CFLAR: variants seen among roughly 807,000 people sequenced by gnomAD.
The protein encoded by CFLAR is CASP8 and FADD like apoptosis regulator, also known as CASP8 and FADD-like apoptosis regulator.
In CFLAR, 14 loss-of-function variants were observed where a neutral mutation model predicts 51.1. That is an observed-to-expected ratio of 0.27 (90% confidence interval 0.18 to 0.43). CFLAR has a LOEUF of 0.43. Among genes scored for constraint, CFLAR ranks in the 20% least tolerant of loss-of-function variants. CFLAR has a pLI of 1.00. For missense variants in CFLAR, 390 were observed against 566.5 expected (o/e 0.69, Z 3.16); for synonymous variants, 210 against 211.6 (o/e 0.99, Z 0.06).
chr2:201,155,408 G>A (rs920410398), intron 8 of CFLAR, among the ~76,000 whole-genome samples: 1 of 151,792 alleles, frequency 6.6e-6, no homozygotes, highest in Non-Finnish European at 1.5e-5. Context: ...GGGATTACAG[G>A]CACCCGCCAT....
intron 1 of CFLAR, among the ~76,000 whole-genome samples, chr2:201,121,707 A>T (rs921295906): frequency 1.2e-4 from 18 of 152,246 alleles, no homozygotes; most frequent in African/African-American, 3.1e-4. Flanking sequence ...CCCTTTAGTT[A>T]CAATGGAGAA....
chr2:201,133,434 T>TG (rs1351304306), intron 3 of CFLAR, among the ~76,000 whole-genome samples: 14 of 152,166 alleles, frequency 9.2e-5, no homozygotes, highest in South Asian at 4.1e-4. Flanking sequence ...GATGGGGTTG[T>TG]GGGGAAGACA....
At chr2:201,133,928 C>CAAAAAAAAAAAAAAAA (rs1267307823) in intron 3 of CFLAR, among the ~76,000 whole-genome samples, 1 of 49,836 alleles carries the variant, frequency 2.0e-5, no homozygotes, top group African/African-American at 7.5e-5. Context: ...GACTCCATCT[C>CAAAAAAAAAAAAAAAA]AAAAAAAAAA....
chr2:201,140,583 ACTT>A, intron 5 of CFLAR, 144 bp downstream of exon 5: 2 of 595,916 alleles, frequency 3.4e-6, no homozygotes, highest in Middle Eastern at 2.7e-4. Context: ...AAAACGTGTA[ACTT>A]CTTATATTTC....
chr2:201,171,369 A>G lies in CFLAR; in HGVS notation c.*7396A>G, dbSNP rs1943999409. ...TTTGCAGGGACATGGATGAAGCTGGAAGCCATTATCCTCAGCAAACTAACA... is the reference window on the plus strand; with the variant it reads ...TTTGCAGGGACATGGATGAAGCTGGGAGCCATTATCCTCAGCAAACTAACA... On this transcript the variant is annotated 3_prime_UTR_variant, in exon 10 of 10. Coordinates refer to ENST00000309955, the MANE Select transcript of CFLAR (RefSeq NM_003879.7). 1 of 152,162 alleles carries G rather than the reference A, an allele frequency of 6.6e-6. No homozygotes were observed. The highest frequency in any genetic ancestry group is 1.5e-5 in the Non-Finnish European group (1 of 68,032). The allele number at this position is 152,162 out of a possible 1,614,324, so 9.4% of individuals were successfully genotyped here. A position where few individuals can be genotyped will look rare whatever the true frequency, so the allele number is the denominator to read the frequency against.
chr2:201,137,785 T>C (rs1423504585), intron 4 of CFLAR: 7 of 1,143,884 alleles, frequency 6.1e-6, no homozygotes, highest in African/African-American at 1.5e-5. Flanking sequence ...TGTTTCTGGC[T>C]GCTGCTGCTC....
chr2:201,138,751 C>G lies in CFLAR; in HGVS notation c.524-1606C>G, dbSNP rs2050514660. On this transcript the variant is annotated intron_variant, in intron 4 of 9. Coordinates refer to ENST00000309955, the MANE Select transcript of CFLAR (RefSeq NM_003879.7). This position sits in a 1 kb window ranked among gnomAD's most constrained non-coding sequence, Gnocchi z 4.0. ...TCAAACTTCTTGACCTTCTGCACCT[C>G]ACTGGCCTGGAACTCTGGGGTGCAG... The G allele has an allele frequency of 1.3e-6, 1 of 774,534 alleles. No homozygotes were observed. The allele number at this position is 774,534 out of a possible 1,614,324, so 48.0% of individuals were successfully genotyped here. A position where few individuals can be genotyped will look rare whatever the true frequency, so the allele number is the denominator to read the frequency against.
In CFLAR at chr2:201,117,845, T is replaced by C. The variant is rs545484526; in HGVS notation, c.-138+1364T>C. Reference sequence around the variant, plus strand: ...ATCTCTGCTCACCGCAACCTCCGCCTGTCGGGTTCAAGCGATTCTCGTGCC... The same window carrying C: ...ATCTCTGCTCACCGCAACCTCCGCCCGTCGGGTTCAAGCGATTCTCGTGCC... On this transcript the variant is annotated intron_variant, in intron 1 of 9. Transcript: ENST00000309955. Among the ~76,000 whole-genome samples, 223 of 149,276 alleles carry C rather than the reference T, an allele frequency of 1.5e-3. 2 individuals are homozygous for C. Among genetic ancestry groups the C allele is most frequent in the African/African-American group, 5.4e-3 (218 of 40,210 alleles).
chr2:201,120,496 CA>C (rs2048093599), intron 1 of CFLAR, among the ~76,000 whole-genome samples: 1 of 152,168 alleles, frequency 6.6e-6, no homozygotes, highest in African/African-American at 2.4e-5. Context: ...AGAGAAGCTA[CA>C]CCACTTGATA....
At chr2:201,152,545 T>C (rs140969152) in intron 8 of CFLAR, among the ~76,000 whole-genome samples, 14 of 152,290 alleles carry the variant, frequency 9.2e-5, no homozygotes, top group Middle Eastern at 3.4e-3. Context: ...ATAAACCACC[T>C]AAGCAAGAGC....
At chr2:201,133,580 G>T (rs955098097) in intron 3 of CFLAR, among the ~76,000 whole-genome samples, 7 of 152,028 alleles carry the variant, frequency 4.6e-5, no homozygotes, top group Non-Finnish European at 1.0e-4. Context: ...GAGTGGGGTG[G>T]GGGGAGGTTC....
intron 8 of CFLAR, among the ~76,000 whole-genome samples, chr2:201,159,729 A>G (rs979527054): frequency 3.3e-5 from 5 of 152,260 alleles, no homozygotes; most frequent in African/African-American, 1.2e-4. Context: ...CTAAAAATGT[A>G]TACAAATCAC....
At chr2:201,130,185 G>A in intron 2 of CFLAR, 39 bp downstream of exon 2, 4 of 911,514 alleles carry the variant, frequency 4.4e-6, no homozygotes, top group Non-Finnish European at 6.3e-6. Flanking sequence ...GTGGGTGGGA[G>A]GGAGTGAAGT....
intron 1 of CFLAR, chr2:201,122,482 A>G (rs1291684394): frequency 6.6e-6 from 1 of 152,218 alleles, no homozygotes; most frequent in Non-Finnish European, 1.5e-5. Flanking sequence ...TGGTCCAATG[A>G]TGACCAGTCT....
chr2:201,132,596 A>G (rs2049479766), intron 2 of CFLAR, among the ~76,000 whole-genome samples: 1 of 152,062 alleles, frequency 6.6e-6, no homozygotes, highest in Non-Finnish European at 1.5e-5. Flanking sequence ...TTCCTTTAGC[A>G]TCTTGCAATT....
intron 1 of CFLAR, among the ~76,000 whole-genome samples, chr2:201,119,803 T>A (rs2047991874): frequency 1.3e-5 from 2 of 151,938 alleles, no homozygotes; most frequent in Admixed American, 6.6e-5. Context: ...CTCCAGGGGT[T>A]CATTCCGTAG....
Position 201,138,167 on chromosome 2 carries a change from A to G in CFLAR, c.523+2060A>G. 1.1e-6 allele frequency: 1 copy of G among 913,220 alleles called. No individual in the cohort carries two copies. Among genetic ancestry groups the G allele is most frequent in the Non-Finnish European group, 1.8e-6 (1 of 545,996 alleles). The allele number at this position is 913,220 out of a possible 1,614,324, so 56.6% of individuals were successfully genotyped here. Reference sequence around the variant, plus strand: ...TGCTGTCACCACGTTCCCCCCAATCACCTGGAGGTGGGGTTACTTTTGTTT... The same window carrying G: ...TGCTGTCACCACGTTCCCCCCAATCGCCTGGAGGTGGGGTTACTTTTGTTT... On this transcript the variant is annotated intron_variant, in intron 4 of 9. Coordinates refer to ENST00000309955, the MANE Select transcript of CFLAR (RefSeq NM_003879.7). The surrounding 1 kb of genome is among the most constrained non-coding windows in gnomAD (Gnocchi z 4.0).
In CFLAR at chr2:201,171,144, T is replaced by G. The variant is rs1427807871; in HGVS notation, c.*7171T>G. 1 of 152,142 alleles carries G rather than the reference T, an allele frequency of 6.6e-6. No individual in the cohort carries two copies. The highest frequency in any genetic ancestry group is 1.9e-4 in the East Asian group (1 of 5,196). The allele number at this position is 152,142 out of a possible 1,614,324, so 9.4% of individuals were successfully genotyped here. Reference sequence around the variant, plus strand: ...GAAGGATACAATGGACTTTGGGGACTTAGGGGAAAGGGTGGGAGGGGGGTG... The same window carrying G: ...GAAGGATACAATGGACTTTGGGGACGTAGGGGAAAGGGTGGGAGGGGGGTG... On this transcript the variant is annotated 3_prime_UTR_variant, in exon 10 of 10. Coordinates refer to ENST00000309955, the MANE Select transcript of CFLAR (RefSeq NM_003879.7).
chr2:201,133,261 G>C (rs991651413), intron 3 of CFLAR, 127 bp downstream of exon 3: 5 of 633,274 alleles, frequency 7.9e-6, no homozygotes, highest in Non-Finnish European at 1.4e-5. Flanking sequence ...ATCTCAGGTG[G>C]CTTTTAAACA....
Sources: gnomAD v4.1 joint callset for allele counts (sites outside exome capture counted in the v4.1 genomes callset) on GRCh38, gnomAD v4.1.1 for gene constraint, Gnocchi (gnomAD v3.1) non-coding constraint, MANE v1.5 for transcripts, NCBI Gene and HGNC (gene_info 2026-07-23, HGNC 2026-07-21) for gene names.